PTPRD: variants seen among roughly 807,000 people sequenced by gnomAD.
The protein encoded by PTPRD is protein tyrosine phosphatase receptor type D.
A neutral mutation model predicts 214.5 loss-of-function variants in PTPRD; 34 were observed. The observed-to-expected ratio is 0.16, with a 90% CI of 0.12 to 0.21. The LOEUF (loss-of-function observed/expected upper bound fraction) is 0.21. PTPRD is among the 10% of genes least tolerant of loss of function. The pLI is 1.00. For missense variants in PTPRD, 2,545 were observed against 2,398.7 expected, an observed-to-expected ratio of 1.06 and a Z score of -1.27; for synonymous variants, 1,128 against 845.7, an observed-to-expected ratio of 1.33 and a Z score of -5.79.
At chr9:8,490,228 A>T (rs1483595237) in intron 27 of PTPRD, among the ~76,000 whole-genome samples, 1 of 152,074 alleles carries the variant, frequency 6.6e-6, no homozygotes, top group Admixed American at 6.6e-5. Context: ...AAAGTAAATA[A>T]CTCTAAAACT....
intron 3 of PTPRD, among the ~76,000 whole-genome samples, chr9:10,325,726 G>C (rs1020179612): frequency 2.0e-5 from 3 of 151,828 alleles, no homozygotes; most frequent in African/African-American, 7.2e-5. Context: ...TGTTTAACCT[G>C]TAAGATACAT....
chr9:10,535,073 T>C (rs10809115), intron 2 of PTPRD, among the ~76,000 whole-genome samples: 59,989 of 152,030 alleles, frequency 0.39, 13,080 homozygotes, highest in Non-Finnish European at 0.51. Context: ...GTACCAACAG[T>C]GGACTGGAGC....
At chr9:10,278,079 G>C (rs1318929983) in intron 3 of PTPRD, among the ~76,000 whole-genome samples, 1 of 152,084 alleles carries the variant, frequency 6.6e-6, no homozygotes, top group East Asian at 1.9e-4. Context: ...AGAATGGCGT[G>C]AACTTGGGAG....
intron 36 of PTPRD, among the ~76,000 whole-genome samples, chr9:8,401,853 C>T (rs2092436722): frequency 6.6e-6 from 1 of 152,108 alleles, no homozygotes; most frequent in African/African-American, 2.4e-5. Context: ...CAAATTAAAA[C>T]TCTCAACCAA....
chr9:8,672,619 C>A (rs1431525799), intron 12 of PTPRD, among the ~76,000 whole-genome samples: 1 of 152,004 alleles, frequency 6.6e-6, no homozygotes, highest in Non-Finnish European at 1.5e-5. Flanking sequence ...AATTGAATAT[C>A]CTCTAATGAA....
intron 3 of PTPRD, among the ~76,000 whole-genome samples, chr9:10,043,718 G>C (rs2097337858): frequency 6.6e-6 from 1 of 151,802 alleles, no homozygotes; most frequent in South Asian, 2.1e-4. Context: ...ATGTTGCCAA[G>C]GAGACATTCT....
chr9:10,531,209 C>T (rs1453005256), intron 2 of PTPRD, among the ~76,000 whole-genome samples: 1 of 152,076 alleles, frequency 6.6e-6, no homozygotes, highest in East Asian at 1.9e-4. Context: ...CTCAGTCTCC[C>T]AAATGGCTGG....
intron 5 of PTPRD, among the ~76,000 whole-genome samples, chr9:9,773,150 G>C (rs1318235526): frequency 6.6e-6 from 1 of 152,096 alleles, no homozygotes; most frequent in East Asian, 1.9e-4. Context: ...ATCTCATTGG[G>C]TTAAACTATA....
At chr9:10,574,210 T>TGC (rs1027374352) in intron 2 of PTPRD, among the ~76,000 whole-genome samples, 1 of 151,804 alleles carries the variant, frequency 6.6e-6, no homozygotes, top group African/African-American at 2.4e-5. Context: ...TGTGTGTGTG[T>TGC]GTGCGTGCAT....
At chr9:9,915,273 T>C (rs755916952) in intron 5 of PTPRD, among the ~76,000 whole-genome samples, 1 of 151,940 alleles carries the variant, frequency 6.6e-6, no homozygotes, top group Non-Finnish European at 1.5e-5. Flanking sequence ...TTAAACTAGA[T>C]TACTTTTCTA....
At chr9:9,719,746 G>A (rs138318229) in intron 7 of PTPRD, among the ~76,000 whole-genome samples, 14 of 152,266 alleles carry the variant, frequency 9.2e-5, no homozygotes, top group Admixed American at 6.5e-5. Flanking sequence ...TGTGTCATTC[G>A]GTAACACCCT....
At chr9:9,212,692 A>C (rs1253394383) in intron 9 of PTPRD, among the ~76,000 whole-genome samples, 1 of 152,198 alleles carries the variant, frequency 6.6e-6, no homozygotes, top group Admixed American at 6.5e-5. Flanking sequence ...AGATTTAATG[A>C]GTATGTTTTG....
chr9:8,421,382 C>CTCTCTG (rs2094355024), intron 35 of PTPRD, among the ~76,000 whole-genome samples: 1 of 151,426 alleles, frequency 6.6e-6, no homozygotes, highest in Non-Finnish European at 1.5e-5. Flanking sequence ...CTCTCTCTCT[C>CTCTCTG]TCTCTTTCTT....
chr9:9,029,785 T>C (rs1048751953), intron 10 of PTPRD, among the ~76,000 whole-genome samples: 4 of 151,922 alleles, frequency 2.6e-5, no homozygotes, highest in African/African-American at 9.7e-5. Flanking sequence ...TGGCTGAGTC[T>C]GATATAATGG....
chr9:8,690,586 A>G (rs994396285), intron 12 of PTPRD, among the ~76,000 whole-genome samples: 3 of 152,094 alleles, frequency 2.0e-5, no homozygotes, highest in African/African-American at 7.2e-5. Flanking sequence ...CATAGGGGCT[A>G]ATTTTATTCA....
At chr9:8,418,031 G>A (rs1402840771) in intron 35 of PTPRD, among the ~76,000 whole-genome samples, 1 of 152,008 alleles carries the variant, frequency 6.6e-6, no homozygotes, top group African/African-American at 2.4e-5. Context: ...TTAAAGTCAG[G>A]AATTGCCATG....
At chr9:9,051,491 T>C (rs2099685416) in intron 10 of PTPRD, among the ~76,000 whole-genome samples, 1 of 152,224 alleles carries the variant, frequency 6.6e-6, no homozygotes, top group Non-Finnish European at 1.5e-5. Context: ...TGTCATTTAG[T>C]GTTACATTCA....
At position 8,575,343 on chromosome 9, in the gene PTPRD, C is replaced by T. The variant is rs146668109; in HGVS notation, c.353-46564G>A. Among the ~76,000 whole-genome samples, 9 of 152,128 alleles carry T rather than the reference C, an allele frequency of 5.9e-5. No homozygotes were observed. The South Asian group carries it at 6.2e-4, about 11-fold the overall frequency. ...TCAAGTATTCTTTTTAGTCCCTAAC[C>T]GCTTACTTCAAATTTTCATAGAAAA... On this transcript the variant is annotated intron_variant, in intron 14 of 45. Transcript: ENST00000381196.
At chr9:10,080,309 T>A (rs1438271319) in intron 3 of PTPRD, among the ~76,000 whole-genome samples, 2 of 152,096 alleles carry the variant, frequency 1.3e-5, no homozygotes, top group Non-Finnish European at 2.9e-5. Context: ...AATGACAATT[T>A]CACCAGAGGA....
Sources: gnomAD v4.1 joint callset for allele counts (sites outside exome capture counted in the v4.1 genomes callset) on GRCh38, gnomAD v4.1.1 for gene constraint, MANE v1.5 for transcripts, NCBI Gene and HGNC (gene_info 2026-07-23, HGNC 2026-07-21) for gene names.